Variants in USP34 observed in about 807,000 individuals in gnomAD.
USP34 encodes the protein ubiquitin specific peptidase 34.
Under a neutral mutation model 460.3 loss-of-function variants are expected in USP34, and 70 were observed. The ratio of observed to expected loss-of-function variants is 0.15; its 90% CI spans 0.13 to 0.19. The LOEUF (loss-of-function observed/expected upper bound fraction) is 0.19, where lower values mean the gene tolerates loss of function less well. Among genes scored for constraint, USP34 ranks in the 10% least tolerant of loss-of-function variants. The pLI is 1.00. For synonymous variants in USP34, 1,647 were observed against 1,405.3 expected, an observed-to-expected ratio of 1.17 and a Z score of -3.85; for missense variants, 3,985 against 4,236.2, an observed-to-expected ratio of 0.94 and a Z score of 1.65.
At chr2:61,195,665 C>CTT (rs1686779302) in intron 75 of USP34, among the ~76,000 whole-genome samples, 1 of 152,098 alleles carries the variant, frequency 6.6e-6, no homozygotes, top group Non-Finnish European at 1.5e-5. Flanking sequence ...GAGCCAGACT[C>CTT]TGTCTCAAAC....
At chr2:61,259,604 T>G in intron 44 of USP34, 107 bp downstream of exon 44, 1 of 921,522 alleles carries the variant, frequency 1.1e-6, no homozygotes, top group Non-Finnish European at 1.7e-6. Flanking sequence ...CAGGCTGGTC[T>G]CAAGCTCTTG....
chr2:61,324,755 T>G (rs1319254452), intron 21 of USP34, among the ~76,000 whole-genome samples: 2 of 151,986 alleles, frequency 1.3e-5, no homozygotes, highest in East Asian at 3.9e-4. Context: ...TGGGAGACAG[T>G]GTGAGACCAT....
At chr2:61,407,378 G>A (rs182652903) in intron 2 of USP34, among the ~76,000 whole-genome samples, 2 of 152,142 alleles carry the variant, frequency 1.3e-5, no homozygotes. Context: ...GGCAGGGAAC[G>A]GTCTGGTGAA....
chr2:61,288,575 A>G, intron 34 of USP34, 102 bp downstream of exon 34: 1 of 1,217,164 alleles, frequency 8.2e-7, no homozygotes, highest in Non-Finnish European at 1.2e-6. Context: ...CTGTCAGGTT[A>G]AGTCACAGTA....
At chr2:61,405,623 A>C (rs1456993646) in intron 3 of USP34, 85 bp downstream of exon 3, 8 of 1,220,266 alleles carry the variant, frequency 6.6e-6, no homozygotes, top group Non-Finnish European at 1.1e-6. Context: ...CCAGCAGAAA[A>C]CTGTCTTCAT....
At chr2:61,470,376 G>A (rs1029781123) in intron 1 of USP34, among the ~76,000 whole-genome samples, 2 of 151,992 alleles carry the variant, frequency 1.3e-5, no homozygotes, top group African/African-American at 4.8e-5. Context: ...ATTGACACCT[G>A]TAATGAGGAA....
chr2:61,290,886 T>C (rs1161436962), intron 33 of USP34, among the ~76,000 whole-genome samples: 1 of 152,030 alleles, frequency 6.6e-6, no homozygotes, highest in East Asian at 1.9e-4. Context: ...CATCAATCTC[T>C]GTGTAAGGGG....
At position 61,190,544 on chromosome 2, in the gene USP34, T is replaced by C. The variant is rs771073153; in HGVS notation, c.9703A>G (p.Thr3235Ala). Residue 3235 changes from threonine to alanine, a missense_variant, in exon 77 of 80, where the codon ACG (threonine) becomes GCG (alanine). Physicochemically the swap from Thr to Ala is moderately conservative, Grantham distance 58. Transcript: ENST00000398571. Reference sequence around the variant, plus strand: ...TTTAGAAGGAAATGTGTCATGAACGTGTAGACAATGTTGTTGTTTAAAAAA... The same window carrying C: ...TTTAGAAGGAAATGTGTCATGAACGCGTAGACAATGTTGTTGTTTAAAAAA... The part of the protein sequence containing the change: ...RTFLNNNIVY[T>A]FMTHFLLKVQ... 36 of 1,613,940 alleles carry C rather than the reference T, an allele frequency of 2.2e-5. No homozygotes were observed. The highest frequency in any genetic ancestry group is 3.1e-5 in the Non-Finnish European group (36 of 1,179,982).
chr2:61,193,001 A>G, intron 75 of USP34, 21 bp from the exon 76 acceptor site: 5 of 1,583,938 alleles, frequency 3.2e-6, no homozygotes, highest in Non-Finnish European at 4.3e-6. Context: ...AAAAGAAATC[A>G]GAATAGGTTA....
chr2:61,235,958 T>C, intron 56 of USP34, 48 bp from the exon 57 acceptor site: 1 of 1,598,116 alleles, frequency 6.3e-7, no homozygotes, highest in Non-Finnish European at 8.5e-7. Context: ...GAGCCAACAA[T>C]AACAAAAACC....
intron 21 of USP34, among the ~76,000 whole-genome samples, chr2:61,324,838 T>C (rs983832121): frequency 2.0e-5 from 3 of 152,130 alleles, no homozygotes; most frequent in African/African-American, 7.2e-5. Flanking sequence ...GTGCAAACAA[T>C]CTCAATTACT....
intron 41 of USP34, among the ~76,000 whole-genome samples, chr2:61,272,041 C>T (rs998351338): frequency 1.3e-5 from 2 of 152,286 alleles, no homozygotes; most frequent in Admixed American, 1.3e-4. Flanking sequence ...CCGCCTATTA[C>T]CCTCTGACAT....
At chr2:61,193,036 TACTCA>T (rs1686686630) in intron 75 of USP34, 56 bp from the exon 76 acceptor site, 8 of 1,360,560 alleles carry the variant, frequency 5.9e-6, no homozygotes, top group South Asian at 2.5e-5. Context: ...ACTAGTGAGA[TACTCA>T]ACTCTGCAGG....
intron 5 of USP34, among the ~76,000 whole-genome samples, chr2:61,388,202 C>T (rs1473429895): frequency 6.6e-6 from 1 of 151,996 alleles, no homozygotes; most frequent in Non-Finnish European, 1.5e-5. Flanking sequence ...GAGATCACCC[C>T]AATGCGCTCT....
rs576920588 is a variant in USP34 at position 61,404,812 on chromosome 2, T to C, written c.552+896A>G. 1.6e-3 allele frequency among the ~76,000 whole-genome samples: 241 copies of C among 152,290 alleles called. 1 individual carries two copies. The highest frequency in any genetic ancestry group is 5.4e-3 in the African/African-American group (223 of 41,558). On this transcript the variant is annotated intron_variant, in intron 3 of 79. Transcript: ENST00000398571. ...TATATTACCACATAATTGTCTCAAT[T>C]CCCACTATGCCTAGAAATCAATCAT...
intron 1 of USP34, among the ~76,000 whole-genome samples, chr2:61,451,741 AAG>A (rs1180424099): frequency 1.3e-5 from 2 of 152,264 alleles, no homozygotes; most frequent in Non-Finnish European, 2.9e-5. Flanking sequence ...ATCAATGGAA[AAG>A]AGAGAAATTC....
At chr2:61,469,798 C>T (rs1332561276) in intron 1 of USP34, among the ~76,000 whole-genome samples, 1 of 152,102 alleles carries the variant, frequency 6.6e-6, no homozygotes, top group Non-Finnish European at 1.5e-5. Flanking sequence ...GCCTTTACGC[C>T]CAGAAGTAGT....
intron 16 of USP34, among the ~76,000 whole-genome samples, chr2:61,340,785 T>C (rs1691573216): frequency 6.6e-6 from 1 of 152,144 alleles, no homozygotes; most frequent in Non-Finnish European, 1.5e-5. Context: ...GTTATGAAAT[T>C]ATTTTATATT....
chr2:61,337,030 T>A (rs1195460971), intron 18 of USP34, among the ~76,000 whole-genome samples: 1 of 152,096 alleles, frequency 6.6e-6, no homozygotes, highest in Non-Finnish European at 1.5e-5. Flanking sequence ...TCTATTGAAG[T>A]ATAATAAACA....
Sources: allele counts gnomAD v4.1 joint callset (sites outside exome capture counted in the v4.1 genomes callset), GRCh38; gene constraint gnomAD v4.1.1; transcripts MANE v1.5; gene names NCBI Gene and HGNC (gene_info 2026-07-23, HGNC 2026-07-21).